Variants in SNRNP25 observed in about 807,000 individuals in gnomAD.
The protein encoded by SNRNP25 is U11/U12 small nuclear ribonucleoprotein 25 kDa protein.
Under a neutral mutation model 23.9 loss-of-function variants are expected in SNRNP25, and 21 were observed. The observed-to-expected ratio is 0.88, with a 90% CI of 0.62 to 1.27. The LOEUF is 1.27. Among genes scored for constraint, SNRNP25 ranks in the 50% most tolerant of loss-of-function variants. The probability of loss-of-function intolerance (pLI) is 0.00; values close to 1 mark genes in which losing one functional copy is unlikely to be tolerated. For synonymous variants in SNRNP25, 63 were observed against 60.4 expected, an observed-to-expected ratio of 1.04 and a Z score of -0.20; for missense variants, 160 against 156.9, an observed-to-expected ratio of 1.02 and a Z score of -0.11.
At chr16:55,385 C>A in intron 1 of SNRNP25, 74 bp from the exon 2 acceptor site, 3 of 1,392,346 alleles carry the variant, frequency 2.2e-6, no homozygotes, top group East Asian at 4.6e-5. Context: ...TGGCCACTAT[C>A]GGCTTGTTCT....
intron 4 of SNRNP25, 59 bp downstream of exon 4, chr16:56,672 C>G: frequency 1.3e-6 from 2 of 1,575,826 alleles, no homozygotes; most frequent in Non-Finnish European, 1.7e-6. Flanking sequence ...CCCTTAGTCC[C>G]CCATGCTCTG....
chr16:55,850 G>T lies in SNRNP25; in HGVS notation c.207G>T (p.Gln69His), dbSNP rs746012876. Residue 69 changes from glutamine (Q) to histidine (H), a missense_variant, in exon 3 of 5, where the codon CAG becomes CAT. Physicochemically the swap from Gln to His is conservative, Grantham distance 24. Transcript: ENST00000293861. ...KAIQRYVQLKQEREGGIQHIS... is the reference protein window; with the variant it reads ...KAIQRYVQLKHEREGGIQHIS... ...TCCAGAGATACGTGCAGCTCAAGCA[G>T]GAGCGTGAAGGGGGCATTCAGCACA... 2 of 1,614,190 alleles carry T rather than the reference G, an allele frequency of 1.2e-6. No individual in the cohort carries two copies. The highest frequency in any genetic ancestry group is 1.7e-6 in the Non-Finnish European group (2 of 1,180,024).
rs1302183081 is a variant in SNRNP25, at chr16:55,476, CA to C, written c.62del (p.Asn21ThrfsTer4). 6.2e-7 allele frequency: 1 copy of C among 1,614,018 alleles called. No homozygotes were observed. The highest frequency in any genetic ancestry group is 8.5e-7 in the Non-Finnish European group (1 of 1,180,018). On this transcript the variant is annotated frameshift_variant, in exon 2 of 5. Coordinates refer to ENST00000293861, the MANE Select transcript of SNRNP25 (RefSeq NM_024571.4). LOFTEE classifies it high-confidence loss of function. ...LPIQVTLEEV[N>X]SQIALEYGQA... ...TTTTGTAGGTTACTCTGGAAGAAGTCAACTCCCAAATAGCCCTAGAATACGG... is the reference window on the plus strand; with the variant it reads ...TTTTGTAGGTTACTCTGGAAGAAGTCACTCCCAAATAGCCCTAGAATACGG...
At chr16:56,981 G>T in intron 4 of SNRNP25, 105 bp from the exon 5 acceptor site, 1 of 1,287,402 alleles carries the variant, frequency 7.8e-7, no homozygotes. Flanking sequence ...GAAGCCACAC[G>T]CCTCCCCTCT....
Position 55,851 on chromosome 16 carries a change from G to A in SNRNP25, c.208G>A (p.Glu70Lys). 3 of 1,614,178 alleles carry A rather than the reference G, an allele frequency of 1.9e-6. No individual in the cohort carries two copies. The highest frequency in any genetic ancestry group is 2.5e-6 in the Non-Finnish European group (3 of 1,180,024). Residue 70 changes from glutamate to lysine, a missense_variant, in exon 3 of 5, where the codon GAG becomes AAG. Coordinates refer to ENST00000293861, the MANE Select transcript of SNRNP25 (RefSeq NM_024571.4). ...CCAGAGATACGTGCAGCTCAAGCAG[G>A]AGCGTGAAGGGGGCATTCAGCACAT... ...AIQRYVQLKQ[E>K]REGGIQHISW...
At chr16:54,661 CGTCA>C (rs1411914414) in intron 1 of SNRNP25, among the ~76,000 whole-genome samples, 7 of 152,084 alleles carry the variant, frequency 4.6e-5, no homozygotes, top group African/African-American at 1.7e-4. Context: ...TTGCCTCAAG[CGTCA>C]ATCATGTGTC....
In SNRNP25 at chr16:53,956, G is replaced by T; in HGVS notation, c.-61G>T. 6.3e-7 allele frequency: 1 copy of T among 1,594,862 alleles called. No individual in the cohort carries two copies. The highest frequency in any genetic ancestry group is 1.1e-5 in the South Asian group (1 of 88,010). On this transcript the variant is annotated 5_prime_UTR_variant, in exon 1 of 5. It adds an upstream start codon to the 5' untranslated region. Transcript: ENST00000293861. The stretch of plus-strand genomic sequence containing the variant: ...GGCCCGAGGCGCAAGAGGAAGATGA[G>T]GACGAAGAAGAGGCGCTGCCGCACT...
Position 53,887 on chromosome 16 carries a change from C to T in SNRNP25, c.-130C>T. ...TGCGGGCTGGCAGTGCGGGCAGAGC[C>T]CGGCTGAGAGGGGCGGCCCTGGAGG... is the stretch of plus-strand genomic sequence containing the variant. On this transcript the variant is annotated 5_prime_UTR_variant, in exon 1 of 5. Transcript: ENST00000293861. The T allele has an allele frequency of 6.7e-7, 1 of 1,499,644 alleles. No homozygotes were observed. The highest frequency in any genetic ancestry group is 9.0e-7 in the Non-Finnish European group (1 of 1,108,618). The allele number at this position is 1,499,644 out of a possible 1,614,324, so 92.9% of individuals were successfully genotyped here. A position where few individuals can be genotyped will look rare whatever the true frequency, so the allele number is the denominator to read the frequency against.
In SNRNP25 at chr16:56,247, C is replaced by A. The variant is rs934962155; in HGVS notation, c.240-292C>A. ...CTCCCATCCCCTTCTCACCTGGGTG[C>A]TGTCAGCCCTCACTCTCCTATTGGA... On this transcript the variant is annotated intron_variant, in intron 3 of 4. Transcript: ENST00000293861. 3 of 689,946 alleles carry A rather than the reference C, an allele frequency of 4.3e-6. 1 individual carries two copies. Among genetic ancestry groups the A allele is most frequent in the Non-Finnish European group, 8.2e-6 (3 of 367,798 alleles). The allele number at this position is 689,946 out of a possible 1,614,324, so 42.7% of individuals were successfully genotyped here. A position where few individuals can be genotyped will look rare whatever the true frequency, so the allele number is the denominator to read the frequency against.
In SNRNP25 at chr16:53,906, C is replaced by T. The variant is rs969294992; in HGVS notation, c.-111C>T. The T allele has an allele frequency of 2.0e-6, 3 of 1,524,062 alleles. No homozygotes were observed. Among genetic ancestry groups the T allele is most frequent in the Non-Finnish European group, 1.8e-6 (2 of 1,125,816 alleles). The allele number at this position is 1,524,062 out of a possible 1,614,324, so 94.4% of individuals were successfully genotyped here. ...CAGAGCCCGGCTGAGAGGGGCGGCC[C>T]TGGAGGAGACGGAGGCCGCGGGTGG... On this transcript the variant is annotated 5_prime_UTR_variant, in exon 1 of 5. Coordinates refer to ENST00000293861, the MANE Select transcript of SNRNP25 (RefSeq NM_024571.4).
In SNRNP25 at chr16:54,022, G is replaced by A. The variant is rs770859685; in HGVS notation, c.6G>A (p.Val2=). ...TGTTCCAGGAGGGTCTGGCTATGGT[G>A]GTGCAGGACCCGCTGCTCTGCGATC... M[V]VQDPLLCDLP... Residue 2 remains valine, a synonymous_variant, in exon 1 of 5, where the codon GTG becomes GTA. Transcript: ENST00000293861. The A allele has an allele frequency of 6.2e-7, 1 of 1,609,794 alleles. No individual in the cohort carries two copies. Among genetic ancestry groups the A allele is most frequent in the Non-Finnish European group, 8.5e-7 (1 of 1,179,078 alleles).
intron 1 of SNRNP25, 199 bp from the exon 2 acceptor site, chr16:55,260 A>G: frequency 1.8e-6 from 1 of 542,110 alleles, no homozygotes; most frequent in Non-Finnish European, 3.4e-6. Flanking sequence ...GACTCTGTCC[A>G]CTATGGACAT....
chr16:56,703 C>T, intron 4 of SNRNP25, 90 bp downstream of exon 4: 3 of 1,401,880 alleles, frequency 2.1e-6, no homozygotes, highest in Non-Finnish European at 3.0e-6. Context: ...GCGGCTCCCT[C>T]TCCGGAGATA....
In SNRNP25 at chr16:53,996, G is replaced by A. The variant is rs1233151096; in HGVS notation, c.-21G>A. 6.2e-7 allele frequency: 1 copy of A among 1,609,848 alleles called. No individual in the cohort carries two copies. ...GCTGCCGCACTCCGAGGCCATGGAC[G>A]TGTTCCAGGAGGGTCTGGCTATGGT... On this transcript the variant is annotated 5_prime_UTR_variant, in exon 1 of 5. In the 5' UTR this introduces an upstream ATG that the reference lacks. Transcript: ENST00000293861.
In SNRNP25 at chr16:56,596, C is replaced by T. The variant is rs80023530; in HGVS notation, c.297C>T (p.Asp99=). The change falls in exon 4 of 5, where the codon GAC becomes GAT. Residue 99 remains aspartate, a synonymous_variant. Transcript: ENST00000293861. ...LTSAGEKLTE[D]RKKLRDYGIR... ...CTGCAGGAGAGAAACTCACGGAAGA[C>T]AGAAAGAAGCTCCGAGAGTAAGTGC... 2.9e-3 allele frequency: 4,691 copies of T among 1,614,018 alleles called. 103 individuals are homozygous for T. The African/African-American group carries it at 0.056, about 19-fold the overall frequency.
intron 4 of SNRNP25, 93 bp downstream of exon 4, chr16:56,706 C>A: frequency 7.4e-7 from 1 of 1,351,768 alleles, no homozygotes; most frequent in Non-Finnish European, 1.0e-6. Flanking sequence ...GCTCCCTCTC[C>A]GGAGATAACA....
At chr16:56,147 C>T in intron 3 of SNRNP25, 1 of 621,970 alleles carries the variant, frequency 1.6e-6, no homozygotes, top group South Asian at 1.8e-5. Context: ...GGTATCTTCA[C>T]TTGGGGACAC....
chr16:56,424 G>A (rs1897409321), intron 3 of SNRNP25, 115 bp from the exon 4 acceptor site: 1 of 935,952 alleles, frequency 1.1e-6, no homozygotes, highest in Non-Finnish European at 1.8e-6. Context: ...AGCCCAGGTA[G>A]GGAGGACAGC....
chr16:56,182 G>C, intron 3 of SNRNP25: 1 of 647,864 alleles, frequency 1.5e-6, no homozygotes, highest in Admixed American at 2.1e-5. Flanking sequence ...AGTGTGTCTG[G>C]AAGTGGCCTC....
Sources: gnomAD v4.1 joint callset for allele counts (sites outside exome capture counted in the v4.1 genomes callset) on GRCh38, gnomAD v4.1.1 for gene constraint, MANE v1.5 for transcripts, NCBI Gene and HGNC (gene_info 2026-07-23, HGNC 2026-07-21) for gene names.